Variants in EDN3 observed in about 807,000 individuals in gnomAD.
EDN3 encodes the protein endothelin-3.
Under a neutral mutation model 21.4 loss-of-function variants are expected in EDN3, and 9 were observed. That is an observed-to-expected ratio of 0.42 (90% CI 0.25 to 0.73). The LOEUF (loss-of-function observed/expected upper bound fraction) is 0.73. EDN3 is among the 30% of genes least tolerant of loss of function. The probability of loss-of-function intolerance (pLI) is 0.26; values close to 1 mark genes in which losing one functional copy is unlikely to be tolerated. For synonymous variants in EDN3, 133 were observed against 126.2 expected, an observed-to-expected ratio of 1.05 and a Z score of -0.36; for missense variants, 327 against 309.4, an observed-to-expected ratio of 1.06 and a Z score of -0.43.
chr20:59,320,977 G>T (rs754003516), intron 2 of EDN3, 40 bp from the exon 3 acceptor site: 3 of 1,612,774 alleles, frequency 1.9e-6, no homozygotes, highest in African/African-American at 2.7e-5. Context: ...GAGCAGGGAG[G>T]CCTGGGTGTG....
At chr20:59,302,855 C>A (rs955827640) in intron 2 of EDN3, among the ~76,000 whole-genome samples, 1 of 152,146 alleles carries the variant, frequency 6.6e-6, no homozygotes, top group African/African-American at 2.4e-5. Flanking sequence ...AACCTCTGAG[C>A]CCTTGGTAGC....
At chr20:59,303,531 G>A (rs1600721666) in intron 2 of EDN3, among the ~76,000 whole-genome samples, 1 of 152,310 alleles carries the variant, frequency 6.6e-6, no homozygotes, top group East Asian at 1.9e-4. Context: ...GAAAGCTAAT[G>A]GAATTACAGA....
At chr20:59,323,803 A>C (rs1021843851) in intron 4 of EDN3, 2 of 437,852 alleles carry the variant, frequency 4.6e-6, no homozygotes, top group African/African-American at 4.0e-5. Context: ...GGAGAAGCAC[A>C]CCGGTCCTTT....
At chr20:59,313,097 G>A (rs1286787900) in intron 2 of EDN3, among the ~76,000 whole-genome samples, 1 of 152,194 alleles carries the variant, frequency 6.6e-6, no homozygotes, top group African/African-American at 2.4e-5. Context: ...TCAAAGACCA[G>A]CTGATGAAGG....
chr20:59,310,802 C>T (rs1441857674), intron 2 of EDN3, among the ~76,000 whole-genome samples: 5 of 123,910 alleles, frequency 4.0e-5, no homozygotes, highest in Admixed American at 8.6e-5. Context: ...CGCTGGTGGA[C>T]AGTTTCGCCC....
chr20:59,306,541 C>A (rs1266464564), intron 2 of EDN3, among the ~76,000 whole-genome samples: 1 of 145,184 alleles, frequency 6.9e-6, no homozygotes, highest in Non-Finnish European at 1.5e-5. Context: ...TAAACTTAAT[C>A]CAGCAGGAAT....
At chr20:59,308,283 C>T (rs1989563745) in intron 2 of EDN3, among the ~76,000 whole-genome samples, 2 of 152,188 alleles carry the variant, frequency 1.3e-5, no homozygotes, top group African/African-American at 4.8e-5. Context: ...CTTTTCTTGG[C>T]TGCTGCTCTG....
chr20:59,306,681 A>G (rs571632750), intron 2 of EDN3, among the ~76,000 whole-genome samples: 52 of 151,692 alleles, frequency 3.4e-4, no homozygotes, highest in African/African-American at 1.3e-3. Context: ...GCAGCATCAC[A>G]GATTCTGGCT....
intron 2 of EDN3, among the ~76,000 whole-genome samples, chr20:59,320,545 G>C (rs1990465970): frequency 6.6e-6 from 1 of 152,256 alleles, no homozygotes; most frequent in Admixed American, 6.5e-5. Flanking sequence ...AGGAGGCCCA[G>C]ATGGTACTTC....
chr20:59,306,761 C>T (rs916224500), intron 2 of EDN3, among the ~76,000 whole-genome samples: 1 of 152,112 alleles, frequency 6.6e-6, no homozygotes, highest in African/African-American at 2.4e-5. Context: ...AATTTTAGAA[C>T]ATCCCAATAG....
chr20:59,314,141 C>A (rs1990025083), intron 2 of EDN3, among the ~76,000 whole-genome samples: 1 of 152,124 alleles, frequency 6.6e-6, no homozygotes, highest in South Asian at 2.1e-4. Context: ...CTGCTTCCAC[C>A]TGTGGAGGAC....
intron 2 of EDN3, among the ~76,000 whole-genome samples, chr20:59,315,210 G>C (rs1414501776): frequency 6.6e-6 from 1 of 152,224 alleles, no homozygotes; most frequent in Non-Finnish European, 1.5e-5. Flanking sequence ...GAAAGCATGC[G>C]AGGGTCTAGA....
chr20:59,321,264 T>G (rs1241607053), intron 3 of EDN3, 71 bp downstream of exon 3: 1 of 1,537,714 alleles, frequency 6.5e-7, no homozygotes, highest in African/African-American at 1.4e-5. Context: ...GGCCAGGGGC[T>G]TCTCAAAGGA....
chr20:59,308,115 G>C (rs986563575), intron 2 of EDN3, among the ~76,000 whole-genome samples: 3 of 152,110 alleles, frequency 2.0e-5, no homozygotes, highest in Non-Finnish European at 4.4e-5. Context: ...AGCCCTTGGT[G>C]GTTTCTCTGT....
At chr20:59,301,388 C>T (rs778097342) in intron 1 of EDN3, 22 bp from the exon 2 acceptor site, 1 of 1,603,846 alleles carries the variant, frequency 6.2e-7, no homozygotes, top group Non-Finnish European at 8.5e-7. Flanking sequence ...AGCTTAGGAG[C>T]CCCTCAATCT....
chr20:59,309,317 G>T (rs11570293), intron 2 of EDN3, among the ~76,000 whole-genome samples: 1 of 152,218 alleles, frequency 6.6e-6, no homozygotes, highest in South Asian at 2.1e-4. Context: ...TGGCTCTCAT[G>T]TCCTTGGTAC....
At chr20:59,310,909 G>C (rs1288163849) in intron 2 of EDN3, among the ~76,000 whole-genome samples, 7 of 152,092 alleles carry the variant, frequency 4.6e-5, no homozygotes, top group African/African-American at 1.7e-4. Context: ...TTAGGAATCT[G>C]ATTTCCATGG....
In EDN3 at chr20:59,305,510, G is replaced by A. The variant is rs1414873011; in HGVS notation, c.365+3788G>A. 6.6e-6 allele frequency among the ~76,000 whole-genome samples: 1 copy of A among 152,224 alleles called. No homozygotes were observed. Among genetic ancestry groups the A allele is most frequent in the Non-Finnish European group, 1.5e-5 (1 of 68,050 alleles). On this transcript the variant is annotated intron_variant, in intron 2 of 4. Transcript: ENST00000337938. This position sits in a 1 kb window ranked among gnomAD's most constrained non-coding sequence, Gnocchi z 4.2. Reference sequence around the variant, plus strand: ...ATGTCTGCAGATTATGCATATATCAGAAGTGCGGTTGCCAAAGGAAATATT... The same window carrying A: ...ATGTCTGCAGATTATGCATATATCAAAAGTGCGGTTGCCAAAGGAAATATT...
At chr20:59,313,056 A>G (rs542662207) in intron 2 of EDN3, among the ~76,000 whole-genome samples, 10 of 152,326 alleles carry the variant, frequency 6.6e-5, no homozygotes, top group African/African-American at 2.4e-4. Flanking sequence ...AGAGGCCACA[A>G]GTAATCTAGA....
Sources: allele counts gnomAD v4.1 joint callset (sites outside exome capture counted in the v4.1 genomes callset), GRCh38; gene constraint gnomAD v4.1.1; non-coding constraint Gnocchi (gnomAD v3.1); transcripts MANE v1.5; gene names NCBI Gene and HGNC (gene_info 2026-07-23, HGNC 2026-07-21).